PHF14: variants seen among roughly 807,000 people sequenced by gnomAD.
PHF14 encodes PHD finger protein 14.
PHF14 carries 55 observed loss-of-function variants against 117.9 expected under a neutral mutation model. The observed-to-expected ratio is 0.47, with a 90% CI of 0.38 to 0.58. The LOEUF (loss-of-function observed/expected upper bound fraction) is 0.58. Among genes scored for constraint, PHF14 ranks in the 20% least tolerant of loss-of-function variants. PHF14 has a pLI of 0.00. For missense variants in PHF14, 978 were observed against 1,122.2 expected (o/e 0.87, Z 1.84); for synonymous variants, 409 against 368.6 (o/e 1.11, Z -1.26).
chr7:11,140,162 A>C (rs891452465), intron 17 of PHF14, among the ~76,000 whole-genome samples: 1 of 152,132 alleles, frequency 6.6e-6, no homozygotes, highest in Admixed American at 6.5e-5. Flanking sequence ...ACACCTGTAC[A>C]TACATCTCTA....
At chr7:11,060,334 T>C (rs990694687) in intron 14 of PHF14, among the ~76,000 whole-genome samples, 27 of 152,208 alleles carry the variant, frequency 1.8e-4, no homozygotes, top group African/African-American at 6.5e-4. Context: ...GAATATGATA[T>C]GGTCCTTACC....
chr7:11,030,911 C>G (rs1470071779), intron 7 of PHF14, among the ~76,000 whole-genome samples: 1 of 152,068 alleles, frequency 6.6e-6, no homozygotes, highest in Non-Finnish European at 1.5e-5. Context: ...TATTTCAAAA[C>G]CCAGAATATT....
intron 8 of PHF14, 64 bp downstream of exon 8, chr7:11,035,850 C>A: frequency 7.8e-7 from 1 of 1,276,962 alleles, no homozygotes; most frequent in Non-Finnish European, 1.1e-6. Context: ...TTTTACGTCT[C>A]GTGTGGCTTC....
At chr7:11,143,246 T>A (rs983666318) in intron 17 of PHF14, among the ~76,000 whole-genome samples, 21 of 152,150 alleles carry the variant, frequency 1.4e-4, no homozygotes, top group African/African-American at 4.8e-4. Context: ...ATATATAAAC[T>A]TCATTTAGCA....
chr7:11,061,535 T>C (rs1785222189), intron 14 of PHF14: 1 of 252,636 alleles, frequency 4.0e-6, no homozygotes, highest in East Asian at 7.2e-5. Context: ...GAGAATTCAT[T>C]TTTTTTCTAT....
chr7:11,133,621 A>G (rs2045137480), intron 17 of PHF14, among the ~76,000 whole-genome samples: 1 of 151,942 alleles, frequency 6.6e-6, no homozygotes, highest in Non-Finnish European at 1.5e-5. Flanking sequence ...GCTAATCTCC[A>G]GAGTGCTTCC....
intron 4 of PHF14, among the ~76,000 whole-genome samples, chr7:11,000,605 C>T (rs546749486): frequency 5.8e-4 from 88 of 152,152 alleles, no homozygotes; most frequent in Non-Finnish European, 1.0e-3. Context: ...TCCCAAAGTG[C>T]TGGGATTACA....
intron 16 of PHF14, among the ~76,000 whole-genome samples, chr7:11,098,581 G>T (rs1212874508): frequency 6.6e-6 from 1 of 152,140 alleles, no homozygotes; most frequent in Non-Finnish European, 1.5e-5. Context: ...TTGAACTCCA[G>T]TTCTTGTGGA....
intron 4 of PHF14, among the ~76,000 whole-genome samples, chr7:11,008,840 C>G (rs539972776): frequency 6.6e-6 from 1 of 151,988 alleles, no homozygotes; most frequent in South Asian, 2.1e-4. Context: ...TCGAGACCAT[C>G]CTGACTAACA....
chr7:10,998,224 T>G (rs902515282), intron 4 of PHF14, among the ~76,000 whole-genome samples: 2 of 152,154 alleles, frequency 1.3e-5, no homozygotes, highest in Admixed American at 6.5e-5. Context: ...TGGGTCCAGA[T>G]GTAGCTAGGT....
chr7:10,982,928 G>A lies in PHF14; in HGVS notation c.669G>A (p.Gly223=), dbSNP rs1348237609. The part of the protein sequence containing the change: ...DWRPTVVKRK[G]RSASQKEGSD... ...GACCTACTGTAGTAAAGAGAAAAGG[G>A]AGATCTGCGTCTCAGAAAGAGGGAA... The change falls in exon 3 of 18, where the codon GGG becomes GGA. Residue 223 remains glycine (G), a synonymous_variant. Transcript: ENST00000634607. 6.2e-7 allele frequency: 1 copy of A among 1,610,072 alleles called. No individual in the cohort carries two copies. Among genetic ancestry groups the A allele is most frequent in the South Asian group, 1.1e-5 (1 of 90,568 alleles).
chr7:11,120,092 A>T lies in PHF14; in HGVS notation c.2772+8625A>T, dbSNP rs145875018. On this transcript the variant is annotated intron_variant, in intron 17 of 17. Transcript: ENST00000634607. The stretch of plus-strand genomic sequence containing the variant: ...GCCATTAAATTGGCGGAGTTCTTAT[A>T]ATTGGATGCGTCGTATAGTAGGAAG... Among the ~76,000 whole-genome samples the T allele has an allele frequency of 1.2e-4, 19 of 152,104 alleles. No homozygotes were observed. In the East Asian group the frequency reaches 3.7e-3, roughly 29 times the overall value.
intron 16 of PHF14, chr7:11,107,239 C>G: frequency 1.0e-6 from 1 of 980,486 alleles, no homozygotes; most frequent in Non-Finnish European, 1.2e-6. Flanking sequence ...TGACTAATTG[C>G]TTGTTATATG....
At chr7:11,072,681 A>C (rs1273549494) in intron 16 of PHF14, among the ~76,000 whole-genome samples, 4 of 128,522 alleles carry the variant, frequency 3.1e-5, no homozygotes, top group Non-Finnish European at 4.7e-5. Flanking sequence ...TGTGTTTGTC[A>C]GTCTGTTTAC....
At chr7:10,995,695 C>T (rs377286215) in intron 4 of PHF14, among the ~76,000 whole-genome samples, 7 of 152,202 alleles carry the variant, frequency 4.6e-5, no homozygotes, top group South Asian at 2.1e-4. Context: ...AGCCCTGCCC[C>T]GCAGGGAGGC....
At chr7:11,024,889 T>G (rs1171316773) in intron 6 of PHF14, among the ~76,000 whole-genome samples, 1 of 152,242 alleles carries the variant, frequency 6.6e-6, no homozygotes, top group Admixed American at 6.5e-5. Context: ...AGTCTGATTA[T>G]TTAAGAAATA....
intron 17 of PHF14, among the ~76,000 whole-genome samples, chr7:11,111,740 C>T (rs541034780): frequency 6.6e-6 from 1 of 151,916 alleles, no homozygotes; most frequent in East Asian, 1.9e-4. Flanking sequence ...TCCGAAAGCC[C>T]AAACAGATCA....
intron 5 of PHF14, 57 bp downstream of exon 5, chr7:11,013,963 A>G (rs902753994): frequency 1.5e-5 from 18 of 1,164,164 alleles, no homozygotes. Context: ...TCTGCCTTTG[A>G]CTTCCCTGTT....
intron 17 of PHF14, among the ~76,000 whole-genome samples, chr7:11,148,385 C>T (rs879628816): frequency 3.3e-5 from 5 of 152,122 alleles, no homozygotes; most frequent in African/African-American, 7.2e-5. Flanking sequence ...ACTTTAGGAC[C>T]GTTGCCCTTG....
Sources: gnomAD v4.1 joint callset for allele counts (sites outside exome capture counted in the v4.1 genomes callset) on GRCh38, gnomAD v4.1.1 for gene constraint, MANE v1.5 for transcripts, NCBI Gene and HGNC (gene_info 2026-07-23, HGNC 2026-07-21) for gene names.